Variants in KDM2B observed in about 807,000 individuals in gnomAD.
The protein encoded by KDM2B is lysine demethylase 2B, also known as lysine-specific demethylase 2B.
KDM2B carries 26 observed loss-of-function variants against 150.0 expected under a neutral mutation model. The observed-to-expected ratio is 0.17, with a 90% CI of 0.13 to 0.24. The LOEUF is 0.24. KDM2B is among the 10% of genes least tolerant of loss of function. The probability of loss-of-function intolerance (pLI) is 1.00; values close to 1 mark genes in which losing one functional copy is unlikely to be tolerated. For synonymous variants in KDM2B, 734 were observed against 729.5 expected, an observed-to-expected ratio of 1.01 and a Z score of -0.10; for missense variants, 1,265 against 1,816.9, an observed-to-expected ratio of 0.70 and a Z score of 5.52.
intron 2 of KDM2B, among the ~76,000 whole-genome samples, chr12:121,576,327 T>C (rs1163600609): frequency 2.0e-5 from 3 of 152,110 alleles, no homozygotes; most frequent in Non-Finnish European, 4.4e-5. Flanking sequence ...AGGGCCCTCA[T>C]TGTAGCTGAG....
chr12:121,580,700 A>C, intron 1 of KDM2B, 86 bp downstream of exon 1: 3 of 1,462,494 alleles, frequency 2.1e-6, no homozygotes, highest in Admixed American at 2.2e-5. Context: ...GCACCCCCAA[A>C]AACGACCCCC....
the KDM2B span, chr12:121,420,295 T>G: frequency 5.0e-6 from 8 of 1,588,266 alleles, no homozygotes; most frequent in Non-Finnish European, 6.9e-6. Context: ...ACGACGATGA[T>G]GAGGATGATG....
chr12:121,439,754 T>A (rs1329209048), intron 22 of KDM2B, 103 bp downstream of exon 22: 4 of 842,888 alleles, frequency 4.7e-6, no homozygotes, highest in Non-Finnish European at 5.9e-6. Context: ...CACCTAGCAC[T>A]GTGACCACAT....
intron 11 of KDM2B, among the ~76,000 whole-genome samples, chr12:121,499,890 A>G (rs1884355103): frequency 6.6e-6 from 1 of 152,072 alleles, no homozygotes; most frequent in Non-Finnish European, 1.5e-5. Context: ...CAGAGGTTAC[A>G]GTGAGCCAAG....
At chr12:121,492,443 G>C (rs1226393212) in intron 12 of KDM2B, among the ~76,000 whole-genome samples, 3 of 151,718 alleles carry the variant, frequency 2.0e-5, no homozygotes, top group Non-Finnish European at 2.9e-5. Flanking sequence ...GAGTAGCTGG[G>C]ATTACAGGCG....
Position 121,468,456 on chromosome 12 carries a change from C to T in KDM2B, c.1735-15112G>A, listed in dbSNP as rs1282641825. ...GCTAAGGAGGACTTGGCATACATAT[C>T]ATCCACCTGTCCAAGGTAACACTAA... On this transcript the variant is annotated intron_variant, in intron 12 of 22. Coordinates refer to ENST00000377071, the MANE Select transcript of KDM2B (RefSeq NM_032590.5). This position sits in a 1 kb window ranked among gnomAD's most constrained non-coding sequence, Gnocchi z 4.0. 1 of 152,248 alleles carries T rather than the reference C, an allele frequency of 6.6e-6. No homozygotes were observed. Among genetic ancestry groups the T allele is most frequent in the African/African-American group, 2.4e-5 (1 of 41,454 alleles). 9.4% of individuals were successfully genotyped at this position (152,248 alleles called of 1,614,324 possible).
chr12:121,450,632 G>T (rs1182196109), intron 13 of KDM2B, among the ~76,000 whole-genome samples: 1 of 152,156 alleles, frequency 6.6e-6, no homozygotes, highest in Non-Finnish European at 1.5e-5. Context: ...GGCCGAGGCG[G>T]GTGGATCACG....
rs1555291973 is a variant in KDM2B, at chr12:121,453,081, C to T, written c.1959+39G>A. ...AGACACGCGGGCCGGCACGCAGGGG[C>T]CTGAATCGAGCGCAGGGCTGGGCGG... On this transcript the variant is annotated intron_variant, in intron 13 of 22. Transcript: ENST00000377071. This position sits in a 1 kb window ranked among gnomAD's most constrained non-coding sequence, Gnocchi z 6.4. The T allele has an allele frequency of 6.5e-7, 1 of 1,539,160 alleles. No homozygotes were observed. Among genetic ancestry groups the T allele is most frequent in the South Asian group, 1.2e-5 (1 of 83,570 alleles).
intron 4 of KDM2B, among the ~76,000 whole-genome samples, chr12:121,552,167 G>C (rs1019938462): frequency 5.3e-5 from 8 of 152,128 alleles, no homozygotes; most frequent in African/African-American, 1.9e-4. Context: ...CTTGTGTTAG[G>C]TTCATCGTGG....
intron 19 of KDM2B, 26 bp from the exon 20 acceptor site, chr12:121,441,259 A>G (rs781848188): frequency 3.1e-6 from 5 of 1,609,422 alleles, no homozygotes; most frequent in Non-Finnish European, 4.2e-6. Flanking sequence ...GTGGGGACAC[A>G]TCGTCAGAGG....
At chr12:121,448,761 C>T (rs549305129) in intron 13 of KDM2B, among the ~76,000 whole-genome samples, 3 of 152,350 alleles carry the variant, frequency 2.0e-5, no homozygotes, top group Non-Finnish European at 2.9e-5. Flanking sequence ...AAATACCAAA[C>T]ACACATCTGC....
chr12:121,449,544 T>A (rs1876871915), intron 13 of KDM2B, among the ~76,000 whole-genome samples: 1 of 151,994 alleles, frequency 6.6e-6, no homozygotes, highest in Non-Finnish European at 1.5e-5. Flanking sequence ...GCTGCAAAGA[T>A]AAGATGGCAC....
chr12:121,549,445 G>A lies in KDM2B; in HGVS notation c.576+15C>T. ...TGGAAGGTATCTGGGGAGGGTACCT[G>A]GGCCCCGGACCTACCACAGTCGGAC... is the stretch of plus-strand genomic sequence containing the variant. On this transcript the variant is annotated intron_variant, in intron 5 of 22. Coordinates refer to ENST00000377071, the MANE Select transcript of KDM2B (RefSeq NM_032590.5). The surrounding 1 kb of genome is among the most constrained non-coding windows in gnomAD (Gnocchi z 4.4). 6.4e-7 allele frequency: 1 copy of A among 1,571,418 alleles called. No homozygotes were observed. Among genetic ancestry groups the A allele is most frequent in the Non-Finnish European group, 8.7e-7 (1 of 1,151,456 alleles).
intron 4 of KDM2B, among the ~76,000 whole-genome samples, chr12:121,557,314 T>C (rs1039098509): frequency 6.7e-6 from 1 of 148,366 alleles, no homozygotes; most frequent in Non-Finnish European, 1.5e-5. Flanking sequence ...CTCAGCTCAT[T>C]GCAACCTCTG....
intron 7 of KDM2B, among the ~76,000 whole-genome samples, chr12:121,534,179 C>T (rs918057055): frequency 6.6e-5 from 10 of 152,262 alleles, no homozygotes; most frequent in African/African-American, 2.4e-4. Context: ...GAAACCCCGT[C>T]TCTACTAAAA....
At chr12:121,435,858 T>TA (rs1555286639) in intron 22 of KDM2B, among the ~76,000 whole-genome samples, 1 of 152,128 alleles carries the variant, frequency 6.6e-6, no homozygotes, top group Non-Finnish European at 1.5e-5. Context: ...GAGACCACCC[T>TA]GTAAGTGTCG....
intron 12 of KDM2B, among the ~76,000 whole-genome samples, chr12:121,478,399 G>A (rs946899383): frequency 1.4e-5 from 2 of 141,842 alleles, no homozygotes; most frequent in African/African-American, 2.7e-5. Context: ...GTGCTCTGTC[G>A]CCCAGGCTGA....
intron 12 of KDM2B, among the ~76,000 whole-genome samples, chr12:121,457,405 G>T (rs374827620): frequency 1.3e-5 from 2 of 152,020 alleles, no homozygotes; most frequent in East Asian, 1.9e-4. Flanking sequence ...GGAATTACAG[G>T]TGTGCGCCAC....
Position 121,513,199 on chromosome 12 carries a change from T to C in KDM2B, c.1174+77A>G, listed in dbSNP as rs1594007839. On this transcript the variant is annotated intron_variant, in intron 10 of 22. Coordinates refer to ENST00000377071, the MANE Select transcript of KDM2B (RefSeq NM_032590.5). This position sits in a 1 kb window ranked among gnomAD's most constrained non-coding sequence, Gnocchi z 5.0. ...ACGAATCCCCAAAACTCAGGGAGTG[T>C]CTCCAGGCCCCACTGAGAAAATGAT... 15 of 1,535,256 alleles carry C rather than the reference T, an allele frequency of 9.8e-6. No individual in the cohort carries two copies. The highest frequency in any genetic ancestry group is 1.3e-5 in the Non-Finnish European group (15 of 1,119,116).
Sources: gnomAD v4.1 joint callset for allele counts (sites outside exome capture counted in the v4.1 genomes callset) on GRCh38, gnomAD v4.1.1 for gene constraint, Gnocchi (gnomAD v3.1) non-coding constraint, MANE v1.5 for transcripts, NCBI Gene and HGNC (gene_info 2026-07-23, HGNC 2026-07-21) for gene names.